Variants in ERGIC1 observed in about 807,000 individuals in gnomAD.
ERGIC1 encodes endoplasmic reticulum-Golgi intermediate compartment protein 1.
In ERGIC1, 19 loss-of-function variants were observed where a neutral mutation model predicts 38.3. The observed-to-expected ratio is 0.50, with a 90% CI of 0.35 to 0.73. ERGIC1 has a LOEUF of 0.73. ERGIC1 is among the 30% of genes least tolerant of loss of function. The pLI is 0.01. For synonymous variants in ERGIC1, 124 were observed against 157.6 expected, an observed-to-expected ratio of 0.79 and a Z score of 1.60; for missense variants, 294 against 389.2, an observed-to-expected ratio of 0.76 and a Z score of 2.06.
chr5:172,944,614 C>T (rs1340436096), intron 9 of ERGIC1, among the ~76,000 whole-genome samples: 1 of 152,252 alleles, frequency 6.6e-6, no homozygotes. Flanking sequence ...CCACCTCGGC[C>T]TCCCAAAGTG....
chr5:172,892,070 T>TG (rs796309995), intron 2 of ERGIC1, among the ~76,000 whole-genome samples: 17 of 147,742 alleles, frequency 1.2e-4, no homozygotes, highest in South Asian at 4.3e-4. Context: ...ATGTTTTTTT[T>TG]TTTTTTTTTT....
At chr5:172,856,759 G>A (rs1761558639) in intron 1 of ERGIC1, among the ~76,000 whole-genome samples, 1 of 152,224 alleles carries the variant, frequency 6.6e-6, no homozygotes, top group Non-Finnish European at 1.5e-5. Flanking sequence ...TGAGATGACT[G>A]CGCCTTATCA....
intron 1 of ERGIC1, among the ~76,000 whole-genome samples, chr5:172,844,400 ATGGT>A (rs1427898219): frequency 6.6e-6 from 1 of 152,232 alleles, no homozygotes; most frequent in Non-Finnish European, 1.5e-5. Flanking sequence ...TTGCGTGAAA[ATGGT>A]TGGCCACTGA....
chr5:172,871,869 A>C (rs1283077817), intron 1 of ERGIC1, among the ~76,000 whole-genome samples: 2 of 152,214 alleles, frequency 1.3e-5, no homozygotes. Context: ...TTATAGAAAA[A>C]GTGACAACAC....
Position 172,935,027 on chromosome 5 carries a change from A to AG in ERGIC1, c.643-157dup. On this transcript the variant is annotated intron_variant, in intron 8 of 9. Coordinates refer to ENST00000393784, the MANE Select transcript of ERGIC1 (RefSeq NM_001031711.3). Reference sequence around the variant, plus strand: ...GTGCACGGCAGAGTTCAGGGCCTCCAGGGGAAGGGATGTGAGAGAGGGAGT... The same window carrying AG: ...GTGCACGGCAGAGTTCAGGGCCTCCAGGGGGAAGGGATGTGAGAGAGGGAGT... The AG allele has an allele frequency of 2.9e-6, 3 of 1,038,132 alleles. No homozygotes were observed. In the South Asian group the frequency reaches 4.3e-5, roughly 15 times the overall value. 64.3% of individuals were successfully genotyped at this position (1,038,132 alleles called of 1,614,324 possible).
chr5:172,862,412 C>T (rs1038175602), intron 1 of ERGIC1, among the ~76,000 whole-genome samples: 17 of 150,672 alleles, frequency 1.1e-4, no homozygotes, highest in African/African-American at 3.7e-4. Context: ...CCATCGAGAC[C>T]ACACAAATGG....
chr5:172,907,312 C>T (rs556325854), intron 3 of ERGIC1, among the ~76,000 whole-genome samples: 36 of 152,330 alleles, frequency 2.4e-4, no homozygotes, highest in East Asian at 7.7e-4. Flanking sequence ...AATCCCAGCA[C>T]TTTGGGAGGC....
chr5:172,844,772 A>T (rs1761243691), intron 1 of ERGIC1, among the ~76,000 whole-genome samples: 1 of 152,272 alleles, frequency 6.6e-6, no homozygotes, highest in East Asian at 1.9e-4. Context: ...GGCCCCTGCC[A>T]TTGGACCTGC....
At chr5:172,892,570 T>G (rs994292596) in intron 2 of ERGIC1, among the ~76,000 whole-genome samples, 2 of 152,116 alleles carry the variant, frequency 1.3e-5, no homozygotes, top group Non-Finnish European at 2.9e-5. Context: ...TCAAGCCTTC[T>G]CCTGGGGTCA....
At chr5:172,861,112 C>T (rs373730776) in intron 1 of ERGIC1, among the ~76,000 whole-genome samples, 15 of 152,248 alleles carry the variant, frequency 9.9e-5, no homozygotes, top group African/African-American at 3.4e-4. Flanking sequence ...TCGCTGACCT[C>T]GTCCCATGCC....
intron 3 of ERGIC1, among the ~76,000 whole-genome samples, chr5:172,904,849 G>T (rs1423549630): frequency 1.3e-5 from 2 of 152,184 alleles, no homozygotes; most frequent in Admixed American, 6.5e-5. Context: ...TTATCTCACA[G>T]CCTGGGGCCC....
chr5:172,950,057 A>C (rs979943853), intron 9 of ERGIC1, among the ~76,000 whole-genome samples: 1 of 152,118 alleles, frequency 6.6e-6, no homozygotes, highest in Non-Finnish European at 1.5e-5. Flanking sequence ...TGGAAGACAG[A>C]AAAAAAAGAA....
intron 3 of ERGIC1, among the ~76,000 whole-genome samples, chr5:172,900,395 T>C (rs1762840956): frequency 6.6e-6 from 1 of 150,962 alleles, no homozygotes. Context: ...CCTGGAGAGG[T>C]ACAAAGCTTA....
chr5:172,946,898 C>T (rs966656823), intron 9 of ERGIC1, among the ~76,000 whole-genome samples: 3 of 150,136 alleles, frequency 2.0e-5, no homozygotes, highest in Admixed American at 6.6e-5. Flanking sequence ...TTTTAAGTCA[C>T]GGGGCCAGGC....
intron 7 of ERGIC1, among the ~76,000 whole-genome samples, chr5:172,930,854 T>A (rs1763762512): frequency 6.6e-6 from 1 of 152,178 alleles, no homozygotes; most frequent in Non-Finnish European, 1.5e-5. Flanking sequence ...TGTCTTTTTA[T>A]TCCAAATGAT....
chr5:172,843,426 A>AT (rs1761211662), intron 1 of ERGIC1, among the ~76,000 whole-genome samples: 1 of 151,980 alleles, frequency 6.6e-6, no homozygotes, highest in Non-Finnish European at 1.5e-5. Context: ...TGCTTTGCTG[A>AT]TTTTTCTTGC....
At chr5:172,854,388 A>C (rs1018699871) in intron 1 of ERGIC1, among the ~76,000 whole-genome samples, 1 of 152,200 alleles carries the variant, frequency 6.6e-6, no homozygotes, top group Non-Finnish European at 1.5e-5. Context: ...CTCAAACAAC[A>C]AAAAAAGAAA....
intron 1 of ERGIC1, among the ~76,000 whole-genome samples, chr5:172,843,742 C>G (rs1761218376): frequency 6.6e-6 from 1 of 152,208 alleles, no homozygotes; most frequent in Admixed American, 6.5e-5. Flanking sequence ...TGGAACTGAC[C>G]CTCACATTGC....
chr5:172,940,525 G>A (rs1279312757), intron 9 of ERGIC1, among the ~76,000 whole-genome samples: 6 of 152,140 alleles, frequency 3.9e-5, no homozygotes, highest in Non-Finnish European at 7.4e-5. Context: ...CTTCAGAGGT[G>A]TCAGATCTCT....
Sources: allele counts gnomAD v4.1 joint callset (sites outside exome capture counted in the v4.1 genomes callset), GRCh38; gene constraint gnomAD v4.1.1; transcripts MANE v1.5; gene names NCBI Gene and HGNC (gene_info 2026-07-23, HGNC 2026-07-21).